SYS1: variants seen among roughly 807,000 people sequenced by gnomAD.
SYS1 encodes the protein SYS1 golgi trafficking protein, also known as protein SYS1 homolog.
Under a neutral mutation model 17.8 loss-of-function variants are expected in SYS1, and 8 were observed. The ratio of observed to expected loss-of-function variants is 0.45; its 90% CI spans 0.26 to 0.81. SYS1 has a LOEUF of 0.81. Among genes scored for constraint, SYS1 ranks in the 40% least tolerant of loss-of-function variants. SYS1 has a pLI of 0.16. For missense variants in SYS1, 161 were observed against 203.9 expected, an observed-to-expected ratio of 0.79 and a Z score of 1.28; for synonymous variants, 95 against 90.9, an observed-to-expected ratio of 1.05 and a Z score of -0.26.
At chr20:45,364,130 C>T (rs925507427) in intron 2 of SYS1, among the ~76,000 whole-genome samples, 10 of 152,188 alleles carry the variant, frequency 6.6e-5, no homozygotes, top group Non-Finnish European at 2.9e-5. Flanking sequence ...GCAAATGTCA[C>T]CTCTGTGAAC....
chr20:45,373,535 A>G (rs993850148), downstream of SYS1: 3 of 284,354 alleles, frequency 1.1e-5, no homozygotes, highest in Admixed American at 4.6e-5. Flanking sequence ...ATGGGGAGCA[A>G]CCAGGAGCCC....
exon 4 of SYS1, chr20:45,375,516 ATTAT>A: frequency 3.5e-6 from 1 of 284,698 alleles, no homozygotes; most frequent in Non-Finnish European, 6.5e-6. Context: ...GGAACTCTTC[ATTAT>A]TTTGTTTTGT....
At chr20:45,371,838 T>TGTGGC (rs1988566905), downstream of SYS1, among the ~76,000 whole-genome samples, 1 of 152,334 alleles carries the variant, frequency 6.6e-6, no homozygotes, top group East Asian at 1.9e-4. Context: ...ATGGCCGTGG[T>TGTGGC]GTGGCGTGGG....
At chr20:45,362,021 T>C (rs760159081), upstream of SYS1, 24 of 985,094 alleles carry the variant, frequency 2.4e-5, no homozygotes, top group Non-Finnish European at 2.9e-5. Context: ...TCTGCTGGAG[T>C]AGGAATAAGT....
chr20:45,363,832 C>A, intron 2 of SYS1, 139 bp downstream of exon 2: 1 of 901,210 alleles, frequency 1.1e-6, no homozygotes, highest in Non-Finnish European at 1.6e-6. Flanking sequence ...CTTTCTGAGC[C>A]TCAGCTGCCT....
At chr20:45,365,309 T>C (rs145181222) in intron 2 of SYS1, 15 of 439,970 alleles carry the variant, frequency 3.4e-5, no homozygotes, top group African/African-American at 3.0e-4. Flanking sequence ...TATGGAGCCA[T>C]AGTCAGCTGA....
exon 4 of SYS1, chr20:45,375,660 G>C (rs755221380): frequency 5.7e-6 from 8 of 1,402,928 alleles, no homozygotes; most frequent in Non-Finnish European, 7.6e-6. Context: ...GGCTAGAGGG[G>C]CCTGCAAAGA....
downstream of SYS1, chr20:45,369,313 G>A (rs1988508601): frequency 6.6e-6 from 1 of 152,114 alleles, no homozygotes; most frequent in Admixed American, 6.5e-5. Context: ...TACAGATGAG[G>A]GAGCTGTAAG....
exon 4 of SYS1, chr20:45,374,541 G>A: frequency 1.9e-6 from 1 of 517,666 alleles, no homozygotes; most frequent in Non-Finnish European, 3.4e-6. Context: ...CAAGGTGCTG[G>A]GATTACAGGC....
At position 45,368,312 on chromosome 20, in the gene SYS1, G is replaced by T; in HGVS notation, c.*1197G>T. On this transcript the variant is annotated 3_prime_UTR_variant, in exon 4 of 4. Transcript: ENST00000243918. ...CTTCACTTGCAGCGTCCCCTGCTATGCCTCAGGTGAACCACATAATTCTTG... is the reference window on the plus strand; with the variant it reads ...CTTCACTTGCAGCGTCCCCTGCTATTCCTCAGGTGAACCACATAATTCTTG... 1 of 985,424 alleles carries T rather than the reference G, an allele frequency of 1.0e-6. No individual in the cohort carries two copies. The highest frequency in any genetic ancestry group is 1.2e-6 in the Non-Finnish European group (1 of 829,962). The allele number at this position is 985,424 out of a possible 1,614,324, so 61.0% of individuals were successfully genotyped here. A position where few individuals can be genotyped will look rare whatever the true frequency, so the allele number is the denominator to read the frequency against.
chr20:45,366,763 C>T, intron 3 of SYS1, 112 bp from the exon 4 acceptor site: 2 of 884,106 alleles, frequency 2.3e-6, no homozygotes, highest in South Asian at 1.5e-5. Context: ...TTGCTTCACA[C>T]TTATCTCGTC....
At position 45,366,929 on chromosome 20, in the gene SYS1, T is replaced by C. The variant is rs564852027; in HGVS notation, c.285T>C (p.Thr95=). The C allele has an allele frequency of 6.2e-7, 1 of 1,614,244 alleles. No individual in the cohort carries two copies. Among genetic ancestry groups the C allele is most frequent in the South Asian group, 1.1e-5 (1 of 91,086 alleles). ...IRRGKQCLDF[T]VTVHFFHLLG... ...GAGGAAAGCAGTGTCTGGATTTCAC[T>C]GTCACTGTCCATTTCTTTCACCTCC... The change falls in exon 4 of 4, where the codon ACT becomes ACC. Residue 95 remains threonine, a synonymous_variant. Coordinates refer to ENST00000243918, the MANE Select transcript of SYS1 (RefSeq NM_033542.4).
At chr20:45,362,716 G>A (rs567746310), upstream of SYS1, among the ~76,000 whole-genome samples, 6 of 152,310 alleles carry the variant, frequency 3.9e-5, no homozygotes, top group South Asian at 4.1e-4. Context: ...CGTTGAAACA[G>A]TATGTTGCTT....
chr20:45,375,836 T>G, exon 4 of SYS1: 2 of 409,162 alleles, frequency 4.9e-6, no homozygotes, highest in East Asian at 9.6e-5. Context: ...TCTGTCTCTC[T>G]GGACTTCAGC....
Position 45,363,588 on chromosome 20 carries a change from C to T in SYS1, c.57C>T (p.Ile19=). ...VWDPLLILSQ[I]VLMQTVYYGS... Reference sequence around the variant, plus strand: ...ACCCGCTGCTGATCCTGTCGCAGATCGTCCTCATGCAGACCGTGTATTACG... The same window carrying T: ...ACCCGCTGCTGATCCTGTCGCAGATTGTCCTCATGCAGACCGTGTATTACG... The change falls in exon 2 of 4, where the codon ATC becomes ATT. Residue 19 remains isoleucine, a synonymous_variant. Transcript: ENST00000243918. 1 of 1,602,786 alleles carries T rather than the reference C, an allele frequency of 6.2e-7. No homozygotes were observed. Among genetic ancestry groups the T allele is most frequent in the South Asian group, 1.1e-5 (1 of 89,184 alleles).
Position 45,366,903 on chromosome 20 carries a change from C to A in SYS1, c.259C>A (p.Arg87=). The A allele has an allele frequency of 6.2e-7, 1 of 1,614,148 alleles. No individual in the cohort carries two copies. ...CALGLLYFIR[R]GKQCLDFTVT... ...CCTGGGCTTGCTGTACTTCATCCGG[C>A]GAGGAAAGCAGTGTCTGGATTTCAC... Residue 87 remains arginine (R), a synonymous_variant, in exon 4 of 4, where the codon CGA becomes AGA. Transcript: ENST00000243918.
exon 4 of SYS1, chr20:45,374,540 G>A: frequency 1.9e-6 from 1 of 519,156 alleles, no homozygotes; most frequent in Non-Finnish European, 3.4e-6. Context: ...CCAAGGTGCT[G>A]GGATTACAGG....
Position 45,363,664 on chromosome 20 carries a change from C to T in SYS1, c.133C>T (p.Pro45Ser), listed in dbSNP as rs757612502. The T allele has an allele frequency of 9.5e-6, 15 of 1,572,774 alleles. No individual in the cohort carries two copies. Among genetic ancestry groups the T allele is most frequent in the Non-Finnish European group, 1.2e-5 (14 of 1,160,730 alleles). Residue 45 changes from proline to serine, a missense_variant, in exon 2 of 4, where the codon CCC becomes TCC. Pro to Ser is a moderately conservative substitution (Grantham distance 74, BLOSUM62 -1). Coordinates refer to ENST00000243918, the MANE Select transcript of SYS1 (RefSeq NM_033542.4). ...ALVDGLVRSS[P>S]SLDQMFDAEI... ...GGTGGACGGGCTAGTGCGAAGCAGC[C>T]CCTCGCTGGACCAGATGTTCGACGC...
chr20:45,366,989 G>T lies in SYS1; in HGVS notation c.345G>T (p.Ser115=), dbSNP rs369517018. The change falls in exon 4 of 4, where the codon TCG becomes TCT. Residue 115 remains serine, a synonymous_variant. Coordinates refer to ENST00000243918, the MANE Select transcript of SYS1 (RefSeq NM_033542.4). Reference sequence around the variant, plus strand: ...GGTTCTACAGCTCCCGTTTCCCCTCGGCGCTGACCTGGTGGCTGGTCCAAG... The same window carrying T: ...GGTTCTACAGCTCCCGTTTCCCCTCTGCGCTGACCTGGTGGCTGGTCCAAG... ...GCWFYSSRFP[S]ALTWWLVQAV... 5.0e-6 allele frequency: 8 copies of T among 1,613,950 alleles called. No individual in the cohort carries two copies. In the African/African-American group the frequency reaches 1.1e-4, roughly 22 times the overall value.
Sources: allele counts gnomAD v4.1 joint callset (sites outside exome capture counted in the v4.1 genomes callset), GRCh38; gene constraint gnomAD v4.1.1; transcripts MANE v1.5; gene names NCBI Gene and HGNC (gene_info 2026-07-23, HGNC 2026-07-21).